MESD: variants seen among roughly 807,000 people sequenced by gnomAD.
MESD encodes mesoderm development LRP chaperone, also known as LRP chaperone MESD.
In MESD, 7 loss-of-function variants were observed where a neutral mutation model predicts 12.9. That is an observed-to-expected ratio of 0.54 (90% CI 0.31 to 1.02). The LOEUF (loss-of-function observed/expected upper bound fraction) is 1.02, where lower values mean the gene tolerates loss of function less well. Ranked by LOEUF, MESD falls within the 50% of genes least tolerant of loss-of-function variation. The pLI is 0.05. For synonymous variants in MESD, 126 were observed against 115.6 expected (o/e 1.09, Z -0.58); for missense variants, 342 against 296.7 (o/e 1.15, Z -1.12).
In MESD at chr15:80,977,697, C is replaced by T. The variant is rs1259662814; in HGVS notation, c.*1522G>A. On this transcript the variant is annotated 3_prime_UTR_variant, in exon 3 of 3. Transcript: ENST00000261758. Reference sequence around the variant, plus strand: ...GTTCAGCCACGGCATGATTCAGGGACTCGTTTATGCCACCAGGGTGTGGCG... The same window carrying T: ...GTTCAGCCACGGCATGATTCAGGGATTCGTTTATGCCACCAGGGTGTGGCG... 1.3e-5 allele frequency: 2 copies of T among 152,244 alleles called. No individual in the cohort carries two copies. Among genetic ancestry groups the T allele is most frequent in the Admixed American group, 1.3e-4 (2 of 15,288 alleles). 9.4% of individuals were successfully genotyped at this position (152,244 alleles called of 1,614,324 possible).
intron 3 of MESD, among the ~76,000 whole-genome samples, chr15:80,955,883 A>G (rs1483544894): frequency 6.6e-6 from 1 of 152,042 alleles, no homozygotes; most frequent in Non-Finnish European, 1.5e-5. Context: ...CGGCCTCCCA[A>G]AGTGCTAGGA....
chr15:80,983,395 C>G (rs889816649), intron 1 of MESD, among the ~76,000 whole-genome samples: 1 of 152,052 alleles, frequency 6.6e-6, no homozygotes, highest in African/African-American at 2.4e-5. Context: ...TATGGGCTAG[C>G]AATTCTGAGA....
At chr15:80,954,898 C>G (rs1567118367) in intron 3 of MESD, among the ~76,000 whole-genome samples, 1 of 152,134 alleles carries the variant, frequency 6.6e-6, no homozygotes. Context: ...TTACGTATGG[C>G]CCAAGACAAT....
chr15:80,981,233 T>C (rs1330620322), intron 2 of MESD, among the ~76,000 whole-genome samples: 1 of 151,078 alleles, frequency 6.6e-6, no homozygotes, highest in Admixed American at 6.6e-5. Flanking sequence ...GTCAGGAGAT[T>C]GAGACCATCC....
intron 1 of MESD, among the ~76,000 whole-genome samples, chr15:80,987,677 T>C (rs926151616): frequency 5.9e-5 from 9 of 152,096 alleles, no homozygotes; most frequent in African/African-American, 2.2e-4. Context: ...TTAGTAGAGA[T>C]GGAGTTTCAC....
chr15:80,967,121 C>T (rs780224816), intron 3 of MESD, among the ~76,000 whole-genome samples: 12 of 151,996 alleles, frequency 7.9e-5, no homozygotes, highest in African/African-American at 1.9e-4. Flanking sequence ...AAGAAACCCC[C>T]GCCTCTACTA....
intron 4 of MESD, chr15:80,949,260 C>A (rs538197580): frequency 5.1e-6 from 2 of 391,604 alleles, no homozygotes; most frequent in African/African-American, 2.1e-5. Context: ...CAGCAAAGAT[C>A]CACTTTGGCA....
chr15:80,957,653 A>G (rs962402074), intron 3 of MESD, among the ~76,000 whole-genome samples: 2 of 152,128 alleles, frequency 1.3e-5, no homozygotes, highest in Admixed American at 6.6e-5. Flanking sequence ...ACAGAGACCA[A>G]CAAGTCCTAA....
intron 3 of MESD, among the ~76,000 whole-genome samples, chr15:80,969,531 A>C (rs903453153): frequency 6.6e-6 from 1 of 151,960 alleles, no homozygotes; most frequent in East Asian, 1.9e-4. Flanking sequence ...GGCTGGTGTC[A>C]GTTTTGGAGT....
At chr15:80,980,482 C>CAA in intron 2 of MESD, among the ~76,000 whole-genome samples, 1 of 152,302 alleles carries the variant, frequency 6.6e-6, no homozygotes, top group African/African-American at 2.4e-5. Context: ...TAGCTACACA[C>CAA]AAAGCACTTT....
chr15:80,971,880 G>T (rs1475733742), downstream of MESD, among the ~76,000 whole-genome samples: 1 of 151,556 alleles, frequency 6.6e-6, no homozygotes, highest in Non-Finnish European at 1.5e-5. Context: ...AGCCCGGGAG[G>T]TGAAGGTTGC....
chr15:80,975,747 CATA>C (rs1299437994), downstream of MESD: 3 of 152,130 alleles, frequency 2.0e-5, no homozygotes, highest in Non-Finnish European at 2.9e-5. Context: ...ATACAGGTTT[CATA>C]ATTGATAGTC....
At chr15:80,986,427 C>T (rs948481414) in intron 1 of MESD, among the ~76,000 whole-genome samples, 1 of 152,134 alleles carries the variant, frequency 6.6e-6, no homozygotes, top group Non-Finnish European at 1.5e-5. Flanking sequence ...GTTCCCAACA[C>T]AAAGAAATGA....
At chr15:80,982,222 A>G in intron 1 of MESD, 40 bp from the exon 2 acceptor site, 3 of 1,570,408 alleles carry the variant, frequency 1.9e-6, no homozygotes, top group Non-Finnish European at 2.6e-6. Flanking sequence ...TATCATCAGA[A>G]TCTTGCTTTT....
intron 3 of MESD, among the ~76,000 whole-genome samples, chr15:80,958,390 G>A (rs981067284): frequency 1.3e-5 from 2 of 152,144 alleles, no homozygotes; most frequent in African/African-American, 4.8e-5. Flanking sequence ...AAGAGCAGTG[G>A]TGCGATCTTG....
downstream of MESD, among the ~76,000 whole-genome samples, chr15:80,971,504 T>C (rs903308439): frequency 2.0e-5 from 3 of 152,200 alleles, no homozygotes; most frequent in East Asian, 3.8e-4. Flanking sequence ...AAGTTCCTCT[T>C]AGTAATTCTC....
intron 2 of MESD, among the ~76,000 whole-genome samples, chr15:80,980,250 T>C (rs1902540485): frequency 6.6e-6 from 1 of 152,242 alleles, no homozygotes; most frequent in African/African-American, 2.4e-5. Flanking sequence ...AATATTTTGC[T>C]GGCCGGACAC....
chr15:80,957,599 A>AACACACACACAC (rs36008211), intron 3 of MESD, among the ~76,000 whole-genome samples: 10 of 148,892 alleles, frequency 6.7e-5, no homozygotes, highest in African/African-American at 2.5e-4. Context: ...TCCACTGCAA[A>AACACACACACAC]ACACACACAC....
chr15:80,948,810 C>T (rs754943195), exon 5 of MESD: 10 of 1,614,198 alleles, frequency 6.2e-6, no homozygotes, highest in South Asian at 2.2e-5. Flanking sequence ...AAATGGCATT[C>T]GTTGGCTTCA....
Sources: gnomAD v4.1 joint callset for allele counts (sites outside exome capture counted in the v4.1 genomes callset) on GRCh38, gnomAD v4.1.1 for gene constraint, MANE v1.5 for transcripts, NCBI Gene and HGNC (gene_info 2026-07-23, HGNC 2026-07-21) for gene names.